CTNNA2: variants seen among roughly 807,000 people sequenced by gnomAD.
CTNNA2 encodes the protein catenin alpha 2, also known as catenin alpha-2.
In CTNNA2, 42 loss-of-function variants were observed where a neutral mutation model predicts 101.0. The ratio of observed to expected loss-of-function variants is 0.42; its 90% CI spans 0.32 to 0.54. The LOEUF is 0.54. CTNNA2 is among the 20% of genes least tolerant of loss of function. The pLI is 0.14. For synonymous variants in CTNNA2, 450 were observed against 456.4 expected, an observed-to-expected ratio of 0.99 and a Z score of 0.18; for missense variants, 871 against 1,223.1, an observed-to-expected ratio of 0.71 and a Z score of 4.29.
At chr2:80,047,272 A>G (rs1018739839) in intron 7 of CTNNA2, among the ~76,000 whole-genome samples, 3 of 152,256 alleles carry the variant, frequency 2.0e-5, no homozygotes, top group African/African-American at 7.2e-5. Context: ...AAATTAAAAT[A>G]TTAGTCCATC....
intron 7 of CTNNA2, among the ~76,000 whole-genome samples, chr2:79,959,919 CTGTTTCTCAT>C: frequency 6.6e-6 from 1 of 152,154 alleles, no homozygotes; most frequent in Admixed American, 6.5e-5. Flanking sequence ...TTTTCCATCC[CTGTTTCTCAT>C]TTAATTTAAT....
chr2:80,059,991 A>T (rs1436333300), intron 7 of CTNNA2, among the ~76,000 whole-genome samples: 2 of 152,240 alleles, frequency 1.3e-5, no homozygotes, highest in Non-Finnish European at 2.9e-5. Flanking sequence ...TATTAGGGGA[A>T]AAGATTAAAC....
chr2:80,534,669 T>A (rs1035066386), intron 9 of CTNNA2, among the ~76,000 whole-genome samples: 1 of 152,164 alleles, frequency 6.6e-6, no homozygotes, highest in Non-Finnish European at 1.5e-5. Context: ...TCGGATGATA[T>A]GTTGGTGGAG....
chr2:80,589,635 C>G, intron 15 of CTNNA2, 150 bp downstream of exon 15: 1 of 671,546 alleles, frequency 1.5e-6, no homozygotes, highest in South Asian at 2.4e-5. Flanking sequence ...TCAAAATGAT[C>G]TGCACTTAAT....
chr2:80,387,288 CA>C (rs377122705), intron 7 of CTNNA2, among the ~76,000 whole-genome samples: 5 of 143,642 alleles, frequency 3.5e-5, no homozygotes, highest in Admixed American at 1.4e-4. Context: ...GACTTTGTCT[CA>C]AAAAAAAAAG....
intron 2 of CTNNA2, among the ~76,000 whole-genome samples, chr2:79,670,194 C>T (rs1288109260): frequency 1.3e-5 from 2 of 152,156 alleles, no homozygotes; most frequent in Non-Finnish European, 2.9e-5. Flanking sequence ...ACACTTGTCC[C>T]GGCTCCTAGT....
At chr2:79,298,941 A>G (rs1185287831) in intron 2 of CTNNA2, among the ~76,000 whole-genome samples, 4 of 152,244 alleles carry the variant, frequency 2.6e-5, no homozygotes, top group Non-Finnish European at 5.9e-5. Flanking sequence ...GAATCCCTGA[A>G]TAACTTATCC....
intron 1 of CTNNA2, among the ~76,000 whole-genome samples, chr2:79,528,032 A>G (rs1672520018): frequency 6.6e-6 from 1 of 152,224 alleles, no homozygotes; most frequent in Admixed American, 6.6e-5. Flanking sequence ...CCTTGAAGAC[A>G]TTGTGTGAAG....
chr2:79,758,538 C>T (rs753648199), intron 3 of CTNNA2, among the ~76,000 whole-genome samples: 16 of 152,158 alleles, frequency 1.1e-4, no homozygotes, highest in Non-Finnish European at 1.9e-4. Flanking sequence ...CAATTAACCC[C>T]GTCACCCAGG....
intron 4 of CTNNA2, among the ~76,000 whole-genome samples, chr2:79,391,566 G>A (rs1678172878): frequency 6.6e-6 from 1 of 152,086 alleles, no homozygotes; most frequent in Non-Finnish European, 1.5e-5. Context: ...TTGGGGGATG[G>A]CACCCCTAAC....
At chr2:79,841,847 A>C (rs1269528222) in intron 3 of CTNNA2, among the ~76,000 whole-genome samples, 1 of 152,210 alleles carries the variant, frequency 6.6e-6, no homozygotes, top group Non-Finnish European at 1.5e-5. Flanking sequence ...GAAGGCTGTA[A>C]AGTTGTCTCT....
chr2:79,791,856 A>T (rs2105255744), intron 3 of CTNNA2, among the ~76,000 whole-genome samples: 1 of 152,252 alleles, frequency 6.6e-6, no homozygotes, highest in South Asian at 2.1e-4. Context: ...TAATTTGGAC[A>T]ATGAGCTGTC....
chr2:79,355,179 T>G (rs1283912610), intron 3 of CTNNA2, among the ~76,000 whole-genome samples: 2 of 152,162 alleles, frequency 1.3e-5, no homozygotes, highest in Non-Finnish European at 2.9e-5. Context: ...TCCAGCTTTG[T>G]TCTTTTGCTT....
intron 7 of CTNNA2, among the ~76,000 whole-genome samples, chr2:80,146,410 C>G (rs930333775): frequency 6.6e-6 from 1 of 152,150 alleles, no homozygotes; most frequent in African/African-American, 2.4e-5. Flanking sequence ...TCTGAACTCT[C>G]TCCAACTTTC....
At chr2:80,156,851 G>A (rs1028281953) in intron 7 of CTNNA2, among the ~76,000 whole-genome samples, 7 of 152,200 alleles carry the variant, frequency 4.6e-5, no homozygotes, top group Non-Finnish European at 1.0e-4. Flanking sequence ...CCTCAAACTA[G>A]AGTTGTATTA....
chr2:80,558,855 T>G (rs144253356), intron 12 of CTNNA2, among the ~76,000 whole-genome samples: 1 of 152,304 alleles, frequency 6.6e-6, no homozygotes, highest in African/African-American at 2.4e-5. Flanking sequence ...TTTTGTTTGA[T>G]ATTTTATTTT....
intron 3 of CTNNA2, among the ~76,000 whole-genome samples, chr2:79,366,283 C>G (rs1318383444): frequency 6.6e-6 from 1 of 152,208 alleles, no homozygotes; most frequent in Non-Finnish European, 1.5e-5. Flanking sequence ...AGGCACACAT[C>G]ATTCAGAATT....
intron 1 of CTNNA2, 68 bp downstream of exon 1, chr2:79,513,275 C>G (rs1212888273): frequency 6.9e-6 from 1 of 144,316 alleles, no homozygotes; most frequent in Non-Finnish European, 1.5e-5. Context: ...CTCCCATCCT[C>G]TCCATCCTCC....
At chr2:80,287,882 C>T (rs189526432) in intron 7 of CTNNA2, among the ~76,000 whole-genome samples, 13 of 152,280 alleles carry the variant, frequency 8.5e-5, no homozygotes, top group African/African-American at 2.2e-4. Context: ...TCTGCATTAA[C>T]CTGCTCAAAG....
Sources: allele counts gnomAD v4.1 joint callset (sites outside exome capture counted in the v4.1 genomes callset), GRCh38; gene constraint gnomAD v4.1.1; transcripts MANE v1.5; gene names NCBI Gene and HGNC (gene_info 2026-07-23, HGNC 2026-07-21).